ZNF385D: variants seen among roughly 807,000 people sequenced by gnomAD.
The protein encoded by ZNF385D is zinc finger protein 659.
In ZNF385D, 15 loss-of-function variants were observed where a neutral mutation model predicts 35.8. The observed-to-expected ratio is 0.42, with a 90% confidence interval of 0.28 to 0.64. The LOEUF is 0.64. ZNF385D is among the 30% of genes least tolerant of loss of function. The pLI is 0.23. For synonymous variants in ZNF385D, 212 were observed against 186.8 expected, an observed-to-expected ratio of 1.13 and a Z score of -1.10; for missense variants, 474 against 494.6, an observed-to-expected ratio of 0.96 and a Z score of 0.39.
intron 3 of ZNF385D, among the ~76,000 whole-genome samples, chr3:21,521,581 C>T (rs1707911907): frequency 1.3e-5 from 2 of 149,826 alleles, no homozygotes; most frequent in South Asian, 2.1e-4. Flanking sequence ...AGCAAAACCC[C>T]CAACTCTGCT....
chr3:22,036,812 T>A (rs969132740), intron 3 of ZNF385D, among the ~76,000 whole-genome samples: 1 of 150,524 alleles, frequency 6.6e-6, no homozygotes, highest in Non-Finnish European at 1.5e-5. Context: ...GCTGTACCCA[T>A]TAACTCGTCA....
At chr3:21,657,433 G>A (rs1280269577) in intron 2 of ZNF385D, among the ~76,000 whole-genome samples, 1 of 151,920 alleles carries the variant, frequency 6.6e-6, no homozygotes, top group Non-Finnish European at 1.5e-5. Flanking sequence ...TTTCCATTCT[G>A]CAGAAAGCTA....
intron 1 of ZNF385D, among the ~76,000 whole-genome samples, chr3:21,724,271 A>G (rs1344052502): frequency 6.6e-6 from 1 of 152,008 alleles, no homozygotes; most frequent in South Asian, 2.1e-4. Context: ...AGCTAGCATC[A>G]TAATGACAGG....
chr3:21,774,232 C>T (rs2071196408), intron 3 of ZNF385D, among the ~76,000 whole-genome samples: 1 of 151,346 alleles, frequency 6.6e-6, no homozygotes, highest in Non-Finnish European at 1.5e-5. Context: ...AAGACATGGA[C>T]ACATAGTGGG....
intron 3 of ZNF385D, among the ~76,000 whole-genome samples, chr3:21,762,728 G>A (rs2125589601): frequency 6.6e-6 from 1 of 152,246 alleles, no homozygotes; most frequent in Admixed American, 6.5e-5. Context: ...AACCCCTAGA[G>A]GTATCATCTC....
chr3:22,104,650 G>A (rs184596896), intron 3 of ZNF385D, among the ~76,000 whole-genome samples: 230 of 151,992 alleles, frequency 1.5e-3, no homozygotes, highest in South Asian at 6.0e-3. Context: ...ACAGTGGCAC[G>A]AAAATGAGTC....
At chr3:22,244,740 G>T (rs1379575826) in intron 2 of ZNF385D, among the ~76,000 whole-genome samples, 1 of 150,952 alleles carries the variant, frequency 6.6e-6, no homozygotes, top group Admixed American at 6.6e-5. Flanking sequence ...GGTATTTAAT[G>T]CCTCAGGTAT....
chr3:22,099,017 A>T (rs1436127659), intron 3 of ZNF385D, among the ~76,000 whole-genome samples: 3 of 152,110 alleles, frequency 2.0e-5, no homozygotes, highest in Non-Finnish European at 4.4e-5. Context: ...GATATTTATC[A>T]TAGGGATTTC....
chr3:21,455,727 A>C (rs568832979), intron 4 of ZNF385D, among the ~76,000 whole-genome samples: 1 of 152,228 alleles, frequency 6.6e-6, no homozygotes, highest in African/African-American at 2.4e-5. Context: ...ACAAAAGCCA[A>C]AATTGACAAA....
intron 2 of ZNF385D, among the ~76,000 whole-genome samples, chr3:22,222,301 T>A (rs569563781): frequency 4.6e-5 from 7 of 151,668 alleles, no homozygotes; most frequent in Admixed American, 4.6e-4. Context: ...AAAAAACACA[T>A]AGTCTTCACC....
intron 2 of ZNF385D, among the ~76,000 whole-genome samples, chr3:21,656,893 C>T (rs2066087373): frequency 6.6e-6 from 1 of 151,826 alleles, no homozygotes; most frequent in Non-Finnish European, 1.5e-5. Flanking sequence ...GCTACTGGAT[C>T]ACAAAATGAG....
rs150211361 is a variant in ZNF385D at position 22,136,711 on chromosome 3, T to A, written c.325+32106A>T. ...TTATGTCCTTCAATAGGAGTATGGA[T>A]AAGCAAATTGTGGTACATTCAAAAA... On this transcript the variant is annotated intron_variant, in intron 3 of 5. Coordinates refer to the ZNF385D transcript ENST00000494108. Among the ~76,000 whole-genome samples the A allele has an allele frequency of 5.3e-3, 812 of 152,240 alleles. 1 individual carries two copies. The highest frequency in any genetic ancestry group is 8.6e-3 in the Non-Finnish European group (587 of 68,010).
chr3:22,307,578 T>C (rs532944617), intron 2 of ZNF385D, among the ~76,000 whole-genome samples: 1 of 152,076 alleles, frequency 6.6e-6, no homozygotes, highest in Admixed American at 6.6e-5. Context: ...ATATGGTATT[T>C]TGGGAAAATC....
At chr3:22,139,518 A>G (rs1042395408) in intron 3 of ZNF385D, among the ~76,000 whole-genome samples, 3 of 151,930 alleles carry the variant, frequency 2.0e-5, no homozygotes, top group Admixed American at 6.6e-5. Flanking sequence ...TGCAAGGACA[A>G]CAAACCAAAC....
At chr3:22,249,784 A>G (rs1699973601) in intron 2 of ZNF385D, among the ~76,000 whole-genome samples, 2 of 152,162 alleles carry the variant, frequency 1.3e-5, no homozygotes, top group East Asian at 3.9e-4. Context: ...TGAAAGCTAA[A>G]ATTGTGGGGT....
intron 2 of ZNF385D, among the ~76,000 whole-genome samples, chr3:22,253,441 G>T (rs779556651): frequency 6.6e-6 from 1 of 151,946 alleles, no homozygotes; most frequent in Non-Finnish European, 1.5e-5. Context: ...TATAAAAGCA[G>T]TTTCTTATTA....
intron 2 of ZNF385D, among the ~76,000 whole-genome samples, chr3:22,254,244 A>G (rs567198955): frequency 6.6e-6 from 1 of 152,008 alleles, no homozygotes; most frequent in African/African-American, 2.4e-5. Context: ...TTTCAAAACT[A>G]TTGAGTCTTA....
chr3:21,493,628 G>A (rs1305642004), intron 4 of ZNF385D, among the ~76,000 whole-genome samples: 1 of 148,070 alleles, frequency 6.8e-6, no homozygotes, highest in Non-Finnish European at 1.5e-5. Flanking sequence ...TTAGGTTAAT[G>A]GATTTTTTCT....
At chr3:22,041,371 A>G (rs1698653802) in intron 3 of ZNF385D, among the ~76,000 whole-genome samples, 3 of 152,174 alleles carry the variant, frequency 2.0e-5, no homozygotes. Flanking sequence ...ACACAACCAC[A>G]GGAATTGCAA....
Sources: gnomAD v4.1 joint callset for allele counts (sites outside exome capture counted in the v4.1 genomes callset) on GRCh38, gnomAD v4.1.1 for gene constraint, MANE v1.5 for transcripts, NCBI Gene and HGNC (gene_info 2026-07-23, HGNC 2026-07-21) for gene names.